Variants in ABHD17C observed in about 807,000 individuals in gnomAD.
ABHD17C encodes abhydrolase domain containing 17C, depalmitoylase, also known as alpha/beta hydrolase domain-containing protein 17C.
ABHD17C carries 11 observed loss-of-function variants against 27.9 expected under a neutral mutation model. The ratio of observed to expected loss-of-function variants is 0.39; its 90% CI spans 0.25 to 0.65. The LOEUF is 0.65. ABHD17C is among the 30% of genes least tolerant of loss of function. ABHD17C has a pLI of 0.45. For synonymous variants in ABHD17C, 233 were observed against 209.1 expected (o/e 1.11, Z -0.98); for missense variants, 280 against 470.2 (o/e 0.60, Z 3.74).
intron 1 of ABHD17C, among the ~76,000 whole-genome samples, chr15:80,721,332 A>C (rs1424715254): frequency 6.6e-6 from 1 of 151,680 alleles, no homozygotes; most frequent in African/African-American, 2.4e-5. Flanking sequence ...TGCTGGTCCC[A>C]TACCTGTCTG....
chr15:80,752,431 T>C (rs919784485), intron 2 of ABHD17C, among the ~76,000 whole-genome samples: 2 of 152,180 alleles, frequency 1.3e-5, no homozygotes, highest in Non-Finnish European at 2.9e-5. Flanking sequence ...TTGGAATGTG[T>C]AATTGATGTT....
At chr15:80,732,008 G>A (rs1219340899) in intron 1 of ABHD17C, among the ~76,000 whole-genome samples, 1 of 152,214 alleles carries the variant, frequency 6.6e-6, no homozygotes, top group Non-Finnish European at 1.5e-5. Context: ...TGCACTCATT[G>A]TATGGAATGT....
chr15:80,723,668 G>T (rs1318757572), intron 1 of ABHD17C, among the ~76,000 whole-genome samples: 1 of 152,180 alleles, frequency 6.6e-6, no homozygotes, highest in East Asian at 1.9e-4. Context: ...TGTTTGCGTT[G>T]TTATAAACAC....
chr15:80,745,734 A>G lies in ABHD17C; in HGVS notation c.591-3779A>G, dbSNP rs187306381. Reference sequence around the variant, plus strand: ...CCAAAATCTCAGAAATTACCACTAAAGAACTTACCCACGTAACCAAAAACC... The same window carrying G: ...CCAAAATCTCAGAAATTACCACTAAGGAACTTACCCACGTAACCAAAAACC... On this transcript the variant is annotated intron_variant, in intron 1 of 2. Coordinates refer to ENST00000258884, the MANE Select transcript of ABHD17C (RefSeq NM_021214.2). 1.7e-3 allele frequency among the ~76,000 whole-genome samples: 257 copies of G among 152,296 alleles called. 2 individuals carry two copies. The highest frequency in any genetic ancestry group is 6.1e-3 in the African/African-American group (252 of 41,552).
intron 1 of ABHD17C, among the ~76,000 whole-genome samples, chr15:80,697,177 G>A (rs1401233959): frequency 6.6e-6 from 1 of 152,164 alleles, no homozygotes; most frequent in Non-Finnish European, 1.5e-5. Flanking sequence ...CAACAGGGAA[G>A]TACTTAATAT....
chr15:80,749,797 G>A (rs969082262), intron 2 of ABHD17C, 105 bp downstream of exon 2: 29 of 1,341,042 alleles, frequency 2.2e-5, no homozygotes, highest in South Asian at 1.4e-4. Context: ...GCAGCCATAC[G>A]TCAGACCCTG....
chr15:80,724,338 G>C (rs567374196), intron 1 of ABHD17C, among the ~76,000 whole-genome samples: 2 of 151,714 alleles, frequency 1.3e-5, no homozygotes, highest in Admixed American at 1.3e-4. Flanking sequence ...CTCCTTCCCC[G>C]TCCCCTCCAA....
At chr15:80,720,333 G>T in intron 1 of ABHD17C, among the ~76,000 whole-genome samples, 2 of 151,364 alleles carry the variant, frequency 1.3e-5, no homozygotes, top group Admixed American at 6.6e-5. Flanking sequence ...TTCTTTCTTG[G>T]TTCTCTTTCT....
chr15:80,738,824 G>A (rs1468213507), intron 1 of ABHD17C, among the ~76,000 whole-genome samples: 1 of 151,896 alleles, frequency 6.6e-6, no homozygotes, highest in East Asian at 1.9e-4. Context: ...GAAATACTGG[G>A]GGCAAATGAA....
chr15:80,705,362 T>TGTGTGTGTGTGTGTGTGTGTG (rs776574776), intron 1 of ABHD17C, among the ~76,000 whole-genome samples: 1 of 150,626 alleles, frequency 6.6e-6, no homozygotes, highest in Admixed American at 6.7e-5. Context: ...TGTGTGTGTG[T>TGTGTGTGTGTGTGTGTGTGTG]GTGTGGTTAG....
intron 1 of ABHD17C, among the ~76,000 whole-genome samples, chr15:80,744,848 G>A (rs994334534): frequency 2.0e-5 from 3 of 152,072 alleles, no homozygotes; most frequent in African/African-American, 7.2e-5. Context: ...TGTAATTGTG[G>A]CCCTGTTTTT....
chr15:80,720,664 T>C (rs1485029416), intron 1 of ABHD17C, among the ~76,000 whole-genome samples: 1 of 152,216 alleles, frequency 6.6e-6, no homozygotes, highest in Non-Finnish European at 1.5e-5. Flanking sequence ...CTCATGCCTG[T>C]AATCCCAGCT....
chr15:80,741,848 A>G (rs1393654603), intron 1 of ABHD17C, among the ~76,000 whole-genome samples: 1 of 152,194 alleles, frequency 6.6e-6, no homozygotes, highest in Middle Eastern at 3.2e-3. Flanking sequence ...GAAGTAAAAT[A>G]AGGGTTACTT....
intron 1 of ABHD17C, among the ~76,000 whole-genome samples, chr15:80,701,512 C>G (rs1894571387): frequency 6.6e-6 from 1 of 151,918 alleles, no homozygotes; most frequent in Non-Finnish European, 1.5e-5. Flanking sequence ...AACCCCATCT[C>G]TACTAAAAAT....
chr15:80,721,437 C>G (rs1419302830), intron 1 of ABHD17C, among the ~76,000 whole-genome samples: 1 of 152,098 alleles, frequency 6.6e-6, no homozygotes, highest in Non-Finnish European at 1.5e-5. Flanking sequence ...GTCACTGGCT[C>G]AGATTTGGGC....
At chr15:80,708,011 G>A (rs1184661348) in intron 1 of ABHD17C, among the ~76,000 whole-genome samples, 1 of 152,166 alleles carries the variant, frequency 6.6e-6, no homozygotes, top group Non-Finnish European at 1.5e-5. Flanking sequence ...GCCTCTGGCT[G>A]CGGCCACGGG....
chr15:80,705,343 G>GTGTGTA (rs1894632043), intron 1 of ABHD17C, among the ~76,000 whole-genome samples: 1 of 149,768 alleles, frequency 6.7e-6, no homozygotes, highest in Non-Finnish European at 1.5e-5. Context: ...TTGTGTGTGT[G>GTGTGTA]TGTGTGTGTG....
At position 80,749,591 on chromosome 15, in the gene ABHD17C, G is replaced by A. The variant is rs1895339964; in HGVS notation, c.669G>A (p.Arg223=). 6.2e-7 allele frequency: 1 copy of A among 1,613,950 alleles called. No individual in the cohort carries two copies. Among genetic ancestry groups the A allele is most frequent in the East Asian group, 2.2e-5 (1 of 44,872 alleles). Residue 223 remains arginine (R), a synonymous_variant, in exon 2 of 3, where the codon AGG becomes AGA. Coordinates refer to ENST00000258884, the MANE Select transcript of ABHD17C (RefSeq NM_021214.2). ...GTVPTVDLAS[R]YECAAVILHS... ...TCCCCACGGTAGACTTGGCCTCGAG[G>A]TATGAATGCGCAGCGGTAATTCTCC...
intron 1 of ABHD17C, among the ~76,000 whole-genome samples, chr15:80,722,391 T>A (rs1894909090): frequency 6.6e-6 from 1 of 151,686 alleles, no homozygotes. Flanking sequence ...TTAAAAGAAC[T>A]GCTTTGTTGC....
Sources: allele counts gnomAD v4.1 joint callset (sites outside exome capture counted in the v4.1 genomes callset), GRCh38; gene constraint gnomAD v4.1.1; transcripts MANE v1.5; gene names NCBI Gene and HGNC (gene_info 2026-07-23, HGNC 2026-07-21).